MYZAP: variants seen among roughly 807,000 people sequenced by gnomAD.
The protein encoded by MYZAP is GRINL1A complex locus upstream.
In MYZAP, 66 loss-of-function variants were observed where a neutral mutation model predicts 69.4. That is an observed-to-expected ratio of 0.95 (90% confidence interval 0.78 to 1.17). The LOEUF (loss-of-function observed/expected upper bound fraction) is 1.17. MYZAP is among the 50% of genes most tolerant of loss of function. The pLI is 0.00. For synonymous variants in MYZAP, 256 were observed against 205.9 expected, an observed-to-expected ratio of 1.24 and a Z score of -2.09; for missense variants, 611 against 556.2, an observed-to-expected ratio of 1.10 and a Z score of -0.99.
intron 8 of MYZAP, among the ~76,000 whole-genome samples, chr15:57,637,304 T>C (rs182298851): frequency 4.0e-4 from 61 of 152,326 alleles, no homozygotes; most frequent in Admixed American, 3.5e-3. Context: ...AGTTAGAATA[T>C]AGGATATTGC....
intron 1 of MYZAP, among the ~76,000 whole-genome samples, chr15:57,598,827 G>A (rs1406172320): frequency 6.6e-6 from 1 of 152,160 alleles, no homozygotes; most frequent in East Asian, 1.9e-4. Context: ...AGACTAGAAC[G>A]CCTTGCCTGA....
chr15:57,665,273 C>T (rs1436194755), intron 11 of MYZAP, among the ~76,000 whole-genome samples: 12 of 152,228 alleles, frequency 7.9e-5, no homozygotes, highest in Non-Finnish European at 1.5e-4. Flanking sequence ...GAGGGTGAGG[C>T]TGGACGTGAG....
At chr15:57,677,770 C>G (rs749666248) in intron 12 of MYZAP, among the ~76,000 whole-genome samples, 1 of 152,216 alleles carries the variant, frequency 6.6e-6, no homozygotes, top group Non-Finnish European at 1.5e-5. Flanking sequence ...CCTGCCCAGC[C>G]AGCTGCTAGC....
chr15:57,642,482 T>G (rs1272794804), intron 10 of MYZAP, among the ~76,000 whole-genome samples: 1 of 152,156 alleles, frequency 6.6e-6, no homozygotes, highest in Middle Eastern at 3.2e-3. Context: ...CCCAGGCATA[T>G]AGGCAGCCTT....
intron 1 of MYZAP, among the ~76,000 whole-genome samples, chr15:57,601,461 TGA>T (rs1421402838): frequency 9.8e-5 from 15 of 152,302 alleles, no homozygotes; most frequent in Admixed American, 8.5e-4. Context: ...TCAACCAGTC[TGA>T]GGGGCCTGGA....
intron 12 of MYZAP, among the ~76,000 whole-genome samples, chr15:57,680,514 C>T (rs62000067): frequency 6.6e-6 from 1 of 150,854 alleles, no homozygotes; most frequent in Non-Finnish European, 1.5e-5. Context: ...CACACACACA[C>T]ACAAATGTAT....
At chr15:57,620,812 G>A (rs2035758217) in intron 3 of MYZAP, among the ~76,000 whole-genome samples, 2 of 152,084 alleles carry the variant, frequency 1.3e-5, no homozygotes, top group Non-Finnish European at 2.9e-5. Context: ...TTAGCCATGA[G>A]TCTGTTAAAA....
intron 10 of MYZAP, among the ~76,000 whole-genome samples, chr15:57,649,350 A>G (rs1595909346): frequency 6.6e-6 from 1 of 152,224 alleles, no homozygotes; most frequent in African/African-American, 2.4e-5. Context: ...CCAAATGCTC[A>G]TCACCACTTG....
rs1018193201 is a variant in MYZAP, at chr15:57,648,587, G to A, written c.1119+9042G>A. The A allele has an allele frequency of 6.0e-6, 3 of 496,552 alleles. No individual in the cohort carries two copies. In the African/African-American group the frequency reaches 6.3e-5, roughly 10 times the overall value. The allele number at this position is 496,552 out of a possible 1,614,324, so 30.8% of individuals were successfully genotyped here. On this transcript the variant is annotated intron_variant, in intron 10 of 12. Transcript: ENST00000267853. Reference sequence around the variant, plus strand: ...AGTCTTAAAAAATAAGTAGCTGGCAGTCTCTCAGCAAATAATGATGGTGCT... The same window carrying A: ...AGTCTTAAAAAATAAGTAGCTGGCAATCTCTCAGCAAATAATGATGGTGCT...
At chr15:57,649,262 A>T (rs1428646431) in intron 10 of MYZAP, among the ~76,000 whole-genome samples, 2 of 152,116 alleles carry the variant, frequency 1.3e-5, no homozygotes, top group East Asian at 3.8e-4. Context: ...GCATAATTTC[A>T]CCTTTTCTAG....
At chr15:57,672,723 C>A (rs560801620) in intron 11 of MYZAP, among the ~76,000 whole-genome samples, 20 of 152,298 alleles carry the variant, frequency 1.3e-4, no homozygotes, top group African/African-American at 4.8e-4. Context: ...CTTCTACACA[C>A]CTGTGTAATG....
intron 2 of MYZAP, among the ~76,000 whole-genome samples, chr15:57,613,094 G>T (rs1357407760): frequency 6.6e-6 from 1 of 151,942 alleles, no homozygotes; most frequent in African/African-American, 2.4e-5. Context: ...ACCACGCCTG[G>T]CTAATTTTTT....
rs1436621046 is a variant in MYZAP at position 57,684,845 on chromosome 15, A to C, written c.*347A>C. The C allele has an allele frequency of 5.6e-6, 1 of 177,592 alleles. No individual in the cohort carries two copies. The highest frequency in any genetic ancestry group is 1.2e-5 in the Non-Finnish European group (1 of 84,856). The allele number at this position is 177,592 out of a possible 1,614,324, so 11.0% of individuals were successfully genotyped here. The stretch of plus-strand genomic sequence containing the variant: ...GGGAGGGAAAAGGACATTAATTTGA[A>C]GTTTCATGTTATTCATGCCAGGATT... On this transcript the variant is annotated 3_prime_UTR_variant, in exon 13 of 13. Coordinates refer to ENST00000267853, the MANE Select transcript of MYZAP (RefSeq NM_001018100.5).
intron 2 of MYZAP, among the ~76,000 whole-genome samples, chr15:57,612,639 A>G (rs1216571619): frequency 6.6e-6 from 1 of 152,188 alleles, no homozygotes; most frequent in Non-Finnish European, 1.5e-5. Flanking sequence ...GGACAATATC[A>G]TTGGCCTTGT....
At position 57,661,669 on chromosome 15, in the gene MYZAP, C is replaced by T. The variant is rs2038315992; in HGVS notation, c.1203+136C>T. On this transcript the variant is annotated intron_variant, in intron 11 of 12. Transcript: ENST00000267853. ...AATTGATTGAGGGTTAAGTGCCAGC[C>T]TTGAAAATGAGGTTCTGACAGCTGT... 5 of 749,534 alleles carry T rather than the reference C, an allele frequency of 6.7e-6. No individual in the cohort carries two copies. The Admixed American group carries it at 1.4e-4, about 21-fold the overall frequency. 46.4% of individuals were successfully genotyped at this position (749,534 alleles called of 1,614,324 possible). A position where few individuals can be genotyped will look rare whatever the true frequency, so the allele number is the denominator to read the frequency against.
Position 57,639,530 on chromosome 15 carries a change from G to A in MYZAP, c.1104G>A (p.Lys368=). The A allele has an allele frequency of 1.2e-6, 2 of 1,613,900 alleles. No individual in the cohort carries two copies. Among genetic ancestry groups the A allele is most frequent in the Non-Finnish European group, 1.7e-6 (2 of 1,179,936 alleles). ...TGCATTGCCAGCAGAAGAAAGTCAAGCAGATGGTCGAGGAGGTAAGCATCT... is the reference window on the plus strand; with the variant it reads ...TGCATTGCCAGCAGAAGAAAGTCAAACAGATGGTCGAGGAGGTAAGCATCT... ...DMVHCQQKKV[K]QMVEEIESLK... The change falls in exon 10 of 13, where the codon AAG becomes AAA. Residue 368 remains lysine (K), a synonymous_variant. Coordinates refer to ENST00000267853, the MANE Select transcript of MYZAP (RefSeq NM_001018100.5).
intron 1 of MYZAP, among the ~76,000 whole-genome samples, chr15:57,602,694 G>C (rs868127457): frequency 5.9e-5 from 9 of 152,312 alleles, no homozygotes; most frequent in South Asian, 2.1e-4. Context: ...TAAGAGCTAA[G>C]AAAGTAAGCC....
Position 57,685,275 on chromosome 15 carries a change from G to A in MYZAP, c.*777G>A, listed in dbSNP as rs572082248. 2.0e-5 allele frequency: 3 copies of A among 152,174 alleles called. No individual in the cohort carries two copies. Among genetic ancestry groups the A allele is most frequent in the South Asian group, 2.1e-4 (1 of 4,820 alleles). 9.4% of individuals were successfully genotyped at this position (152,174 alleles called of 1,614,324 possible). A position where few individuals can be genotyped will look rare whatever the true frequency, so the allele number is the denominator to read the frequency against. The stretch of plus-strand genomic sequence containing the variant: ...GTATCAATTGGTGTTTTTGTTAAAC[G>A]AATGAATCATCTGTTCATGCATGCT... On this transcript the variant is annotated 3_prime_UTR_variant, in exon 13 of 13. Transcript: ENST00000267853.
rs376306761 is a variant in MYZAP at position 57,593,190 on chromosome 15, A to ATGCGCGCGCGCGCGCGCGCG, written c.75+1081_75+1082insTGCGCGCGCGCGCGCGCGCG. On this transcript the variant is annotated intron_variant, in intron 1 of 12. Coordinates refer to ENST00000267853, the MANE Select transcript of MYZAP (RefSeq NM_001018100.5). ...ACACTTAGGTTGTGTACACAGGCGC[A>ATGCGCGCGCGCGCGCGCGCG]CACACACACACACACACACACACAC... Among the ~76,000 whole-genome samples the ATGCGCGCGCGCGCGCGCGCG allele has an allele frequency of 2.9e-3, 311 of 108,256 alleles. 7 individuals are homozygous for ATGCGCGCGCGCGCGCGCGCG. Among genetic ancestry groups the ATGCGCGCGCGCGCGCGCGCG allele is most frequent in the Non-Finnish European group, 3.1e-3 (160 of 51,380 alleles). 71.0% of individuals were successfully genotyped at this position (108,256 alleles called of 152,430 possible).
Sources: allele counts gnomAD v4.1 joint callset (sites outside exome capture counted in the v4.1 genomes callset), GRCh38; gene constraint gnomAD v4.1.1; transcripts MANE v1.5; gene names NCBI Gene and HGNC (gene_info 2026-07-23, HGNC 2026-07-21).